Variants in BAZ2B observed in about 807,000 individuals in gnomAD.
The protein encoded by BAZ2B is bromodomain adjacent to zinc finger domain protein 2B.
Under a neutral mutation model 246.0 loss-of-function variants are expected in BAZ2B, and 91 were observed. The ratio of observed to expected loss-of-function variants is 0.37; its 90% confidence interval spans 0.31 to 0.44. The LOEUF (loss-of-function observed/expected upper bound fraction) is 0.44, where lower values mean the gene tolerates loss of function less well. Among genes scored for constraint, BAZ2B ranks in the 20% least tolerant of loss-of-function variants. The probability of loss-of-function intolerance (pLI) is 1.00; values close to 1 mark genes in which losing one functional copy is unlikely to be tolerated. For synonymous variants in BAZ2B, 855 were observed against 860.0 expected, an observed-to-expected ratio of 0.99 and a Z score of 0.10; for missense variants, 2,332 against 2,533.7, an observed-to-expected ratio of 0.92 and a Z score of 1.71.
intron 2 of BAZ2B, among the ~76,000 whole-genome samples, chr2:159,503,772 G>C (rs539474287): frequency 3.9e-5 from 6 of 151,928 alleles, no homozygotes; most frequent in African/African-American, 1.5e-4. Flanking sequence ...GTAGAGACAG[G>C]GTTTCACCAC....
chr2:159,684,613 C>T, the BAZ2B span, among the ~76,000 whole-genome samples: 1 of 152,288 alleles, frequency 6.6e-6, no homozygotes, highest in East Asian at 1.9e-4. Context: ...GTGATCCTCC[C>T]ACCTCAGTCT....
chr2:159,474,070 A>T (rs1348337126), intron 3 of BAZ2B, among the ~76,000 whole-genome samples: 6 of 152,164 alleles, frequency 3.9e-5, no homozygotes, highest in Non-Finnish European at 8.8e-5. Context: ...ATAGATGTGT[A>T]TTAGGTCTGC....
intron 14 of BAZ2B, among the ~76,000 whole-genome samples, chr2:159,406,216 G>A (rs574300126): frequency 1.3e-5 from 2 of 152,312 alleles, no homozygotes; most frequent in African/African-American, 4.8e-5. Flanking sequence ...TGAAAACAGA[G>A]CTTGAAAGTT....
chr2:159,331,491 C>T lies in BAZ2B; in HGVS notation c.5943+1049G>A, dbSNP rs566317645. Among the ~76,000 whole-genome samples the T allele has an allele frequency of 6.2e-4, 95 of 152,304 alleles. 1 individual carries two copies. Among genetic ancestry groups the T allele is most frequent in the African/African-American group, 2.1e-3 (88 of 41,566 alleles). ...CAAGCGGTTCTCCTGCCTGAGCCCCCCAAATAGTTGGGACTACAGGCATGT... is the reference window on the plus strand; with the variant it reads ...CAAGCGGTTCTCCTGCCTGAGCCCCTCAAATAGTTGGGACTACAGGCATGT... On this transcript the variant is annotated intron_variant, in intron 34 of 36. Coordinates refer to ENST00000392783, the MANE Select transcript of BAZ2B (RefSeq NM_013450.4).
the BAZ2B span, chr2:159,694,781 A>G: frequency 6.6e-6 from 1 of 152,220 alleles, no homozygotes; most frequent in Non-Finnish European, 1.5e-5. Context: ...TATGACATGA[A>G]CATTTGTGTA....
intron 27 of BAZ2B, among the ~76,000 whole-genome samples, chr2:159,363,607 G>A (rs1203341926): frequency 6.6e-6 from 1 of 152,224 alleles, no homozygotes; most frequent in African/African-American, 2.4e-5. Flanking sequence ...AGGAACAAAA[G>A]AAGGAGTAGA....
chr2:159,385,022 G>T, intron 23 of BAZ2B, 133 bp downstream of exon 23: 1 of 926,450 alleles, frequency 1.1e-6, no homozygotes, highest in Non-Finnish European at 1.6e-6. Context: ...TAAATACTGA[G>T]ATAAGTACAA....
At chr2:159,586,430 A>G (rs1381172935) in intron 1 of BAZ2B, among the ~76,000 whole-genome samples, 1 of 152,214 alleles carries the variant, frequency 6.6e-6, no homozygotes, top group Non-Finnish European at 1.5e-5. Flanking sequence ...ATAAATTACT[A>G]CTAACCTTGC....
At chr2:159,551,655 GA>G in intron 2 of BAZ2B, among the ~76,000 whole-genome samples, 1 of 152,180 alleles carries the variant, frequency 6.6e-6, no homozygotes, top group Non-Finnish European at 1.5e-5. Flanking sequence ...GGAGATTTAA[GA>G]AAATAACCTC....
the BAZ2B span, among the ~76,000 whole-genome samples, chr2:159,688,417 T>C: frequency 1.3e-5 from 2 of 152,192 alleles, no homozygotes; most frequent in South Asian, 2.1e-4. Context: ...ATTTAACTTA[T>C]CAGTCTCTTT....
chr2:159,358,276 A>C (rs764723891), intron 27 of BAZ2B, among the ~76,000 whole-genome samples: 1 of 152,242 alleles, frequency 6.6e-6, no homozygotes, highest in Non-Finnish European at 1.5e-5. Flanking sequence ...AATATTTACC[A>C]AGAAAATGGA....
At chr2:159,372,076 C>A (rs2060911887) in intron 27 of BAZ2B, among the ~76,000 whole-genome samples, 1 of 152,122 alleles carries the variant, frequency 6.6e-6, no homozygotes, top group Non-Finnish European at 1.5e-5. Context: ...CCCTTAAAAG[C>A]AACTGCTTTA....
intron 11 of BAZ2B, among the ~76,000 whole-genome samples, 164 bp from the exon 12 acceptor site, chr2:159,428,583 A>G (rs2070440127): frequency 6.6e-6 from 1 of 152,210 alleles, no homozygotes. Context: ...AATTATTTAG[A>G]TTTTTAGCTA....
At chr2:159,592,989 A>G (rs1689748999) in intron 1 of BAZ2B, among the ~76,000 whole-genome samples, 1 of 152,216 alleles carries the variant, frequency 6.6e-6, no homozygotes, top group African/African-American at 2.4e-5. Context: ...GAAGATACTT[A>G]GCAAATAAAT....
At chr2:159,620,286 A>G (rs1418129748), upstream of BAZ2B, among the ~76,000 whole-genome samples, 1 of 152,210 alleles carries the variant, frequency 6.6e-6, no homozygotes, top group East Asian at 1.9e-4. Context: ...CCACTGTTAT[A>G]TCTTGTTTCT....
In BAZ2B at chr2:159,368,616, C is replaced by T. The variant is rs1340119680; in HGVS notation, c.4213+4429G>A. ...ATAAAGTGAAAAATTATCCCTACTT[C>T]CCCCTGCTCTGCAATGACCACAAAT... On this transcript the variant is annotated intron_variant, in intron 27 of 36. Transcript: ENST00000392783. Among the ~76,000 whole-genome samples the T allele has an allele frequency of 3.9e-5, 6 of 152,110 alleles. No homozygotes were observed. In the East Asian group the frequency reaches 9.6e-4, roughly 24 times the overall value.
chr2:159,631,361 C>T, the BAZ2B span, among the ~76,000 whole-genome samples: 1 of 152,288 alleles, frequency 6.6e-6, no homozygotes, highest in East Asian at 1.9e-4. Flanking sequence ...TACTTGCATA[C>T]TGTAAATACC....
intron 34 of BAZ2B, among the ~76,000 whole-genome samples, chr2:159,328,494 G>A (rs1479136074): frequency 6.6e-6 from 1 of 152,124 alleles, no homozygotes; most frequent in East Asian, 1.9e-4. Context: ...TTAATATTTG[G>A]GAGGACATAA....
intron 1 of BAZ2B, among the ~76,000 whole-genome samples, chr2:159,604,197 A>G (rs1472399288): frequency 6.6e-6 from 1 of 152,232 alleles, no homozygotes; most frequent in East Asian, 1.9e-4. Context: ...CACAAATATG[A>G]TATGGGAATT....
Sources: allele counts gnomAD v4.1 joint callset (sites outside exome capture counted in the v4.1 genomes callset), GRCh38; gene constraint gnomAD v4.1.1; transcripts MANE v1.5; gene names NCBI Gene and HGNC (gene_info 2026-07-23, HGNC 2026-07-21).